Variants in TSPAN14 observed in about 807,000 individuals in gnomAD.
TSPAN14 encodes tetraspanin-14.
A neutral mutation model predicts 36.6 loss-of-function variants in TSPAN14; 16 were observed. The ratio of observed to expected loss-of-function variants is 0.44; its 90% CI spans 0.30 to 0.66. TSPAN14 has a LOEUF of 0.66. TSPAN14 is among the 30% of genes least tolerant of loss of function. The pLI is 0.12. For missense variants in TSPAN14, 231 were observed against 355.1 expected, an observed-to-expected ratio of 0.65 and a Z score of 2.81; for synonymous variants, 139 against 143.8, an observed-to-expected ratio of 0.97 and a Z score of 0.24.
intron 1 of TSPAN14, among the ~76,000 whole-genome samples, chr10:80,475,649 G>A (rs147247475): frequency 6.4e-4 from 98 of 152,160 alleles, no homozygotes; most frequent in African/African-American, 2.2e-3. Context: ...GTGCAGTGGC[G>A]CGATCTTGGC....
intron 1 of TSPAN14, among the ~76,000 whole-genome samples, chr10:80,472,547 A>T (rs1846614051): frequency 6.6e-6 from 1 of 152,236 alleles, no homozygotes; most frequent in Non-Finnish European, 1.5e-5. Flanking sequence ...CATCAAACTC[A>T]TGACTGGTTT....
intron 5 of TSPAN14, among the ~76,000 whole-genome samples, chr10:80,511,507 C>T (rs948162370): frequency 3.3e-5 from 5 of 152,020 alleles, no homozygotes; most frequent in African/African-American, 7.2e-5. Context: ...TGGAAGGAGG[C>T]GTCTCCTTTG....
chr10:80,461,640 A>T (rs1845974604), intron 1 of TSPAN14, among the ~76,000 whole-genome samples: 1 of 151,908 alleles, frequency 6.6e-6, no homozygotes, highest in South Asian at 2.1e-4. Context: ...CCTCTGGTGT[A>T]GGGTAGCCCT....
chr10:80,468,327 A>G (rs1174582387), intron 1 of TSPAN14, among the ~76,000 whole-genome samples: 2 of 152,236 alleles, frequency 1.3e-5, no homozygotes, highest in African/African-American at 4.8e-5. Flanking sequence ...TGGAAGAGGC[A>G]GGTCTCTATC....
chr10:80,457,882 T>C lies in TSPAN14; in HGVS notation c.-18+3511T>C, dbSNP rs189153711. ...GTTCACACTGCATGTTCATCACTTA[T>C]CTGCTTTATGTTGTCCTCACTGGGG... is the stretch of plus-strand genomic sequence containing the variant. On this transcript the variant is annotated intron_variant, in intron 1 of 8. Coordinates refer to ENST00000429989, the Ensembl canonical transcript of TSPAN14. 4.1e-4 allele frequency among the ~76,000 whole-genome samples: 62 copies of C among 152,340 alleles called. No homozygotes were observed. The East Asian group carries it at 5.8e-3, about 14-fold the overall frequency.
chr10:80,455,037 C>G (rs529242820), intron 1 of TSPAN14, among the ~76,000 whole-genome samples: 3 of 152,252 alleles, frequency 2.0e-5, no homozygotes, highest in East Asian at 1.9e-4. Flanking sequence ...AAGCCTGACC[C>G]CTGACCTAGC....
intron 1 of TSPAN14, among the ~76,000 whole-genome samples, chr10:80,470,366 G>A (rs925629870): frequency 2.6e-5 from 4 of 152,206 alleles, no homozygotes; most frequent in African/African-American, 7.2e-5. Flanking sequence ...GGTGTGAACC[G>A]CTGCGCCCAG....
chr10:80,485,909 A>C (rs1847568310), intron 1 of TSPAN14, among the ~76,000 whole-genome samples: 1 of 152,182 alleles, frequency 6.6e-6, no homozygotes, highest in African/African-American at 2.4e-5. Flanking sequence ...AAATGGCCAA[A>C]AATGGCATAA....
chr10:80,499,047 A>G (rs1848351344), intron 2 of TSPAN14, among the ~76,000 whole-genome samples: 1 of 152,192 alleles, frequency 6.6e-6, no homozygotes, highest in Non-Finnish European at 1.5e-5. Flanking sequence ...TTGCTGAGGA[A>G]AGGCCTCTGG....
chr10:80,464,846 A>G (rs1846156037), intron 1 of TSPAN14, among the ~76,000 whole-genome samples: 1 of 144,014 alleles, frequency 6.9e-6, no homozygotes, highest in Admixed American at 6.8e-5. Context: ...GCTGCTTCCC[A>G]TTGTAGATTT....
intron 5 of TSPAN14, among the ~76,000 whole-genome samples, chr10:80,511,748 CTCTCTCTCTCTCTCTCTCTCTCT>C (rs1564745189): frequency 5.6e-5 from 8 of 143,538 alleles, no homozygotes; most frequent in African/African-American, 1.3e-4. Context: ...CTCTCTCTCT[CTCTCTCTCTCTCTCTCTCTCTCT>C]CCCCTTTTTT....
chr10:80,516,363 T>G (rs138328578), intron 8 of TSPAN14, 40 bp downstream of exon 8: 1 of 1,612,868 alleles, frequency 6.2e-7, no homozygotes, highest in African/African-American at 1.3e-5. Flanking sequence ...GGTGGCCTTT[T>G]TTCATTTGAG....
Position 80,507,114 on chromosome 10 carries a change from G to A in TSPAN14, c.133-114G>A, listed in dbSNP as rs769201205. ...GACTCTGGCCTGGCTGTCAACAAGA[G>A]GGCTGAGCCTGGGGAAGCAAGTCCC... On this transcript the variant is annotated intron_variant, in intron 3 of 8. Coordinates refer to ENST00000429989, the Ensembl canonical transcript of TSPAN14. 3.5e-4 allele frequency: 483 copies of A among 1,389,382 alleles called. 3 individuals carry two copies. Among genetic ancestry groups the A allele is most frequent in the Non-Finnish European group, 4.6e-4 (469 of 1,012,360 alleles). The allele number at this position is 1,389,382 out of a possible 1,614,324, so 86.1% of individuals were successfully genotyped here. A position where few individuals can be genotyped will look rare whatever the true frequency, so the allele number is the denominator to read the frequency against.
intron 1 of TSPAN14, among the ~76,000 whole-genome samples, chr10:80,457,522 C>T (rs1472601572): frequency 6.6e-6 from 1 of 152,172 alleles, no homozygotes; most frequent in Non-Finnish European, 1.5e-5. Context: ...ACAATATGTT[C>T]CTCTCAGAGG....
At position 80,509,674 on chromosome 10, in the gene TSPAN14, C is replaced by T. The variant is rs1025372118; in HGVS notation, c.450+203C>T. ...TGGTTGCCTGGTGGGCCAGCCCTTTCCCATTGGGATTGGGCAGGCAAGTCC... is the reference window on the plus strand; with the variant it reads ...TGGTTGCCTGGTGGGCCAGCCCTTTTCCATTGGGATTGGGCAGGCAAGTCC... On this transcript the variant is annotated intron_variant, in intron 5 of 8. Coordinates refer to ENST00000429989, the Ensembl canonical transcript of TSPAN14. This position sits in a 1 kb window ranked among gnomAD's most constrained non-coding sequence, Gnocchi z 4.7. The T allele has an allele frequency of 5.1e-4, 303 of 597,134 alleles. 1 individual carries two copies. The highest frequency in any genetic ancestry group is 8.0e-4 in the Non-Finnish European group (278 of 348,398). 37.0% of individuals were successfully genotyped at this position (597,134 alleles called of 1,614,324 possible). A position where few individuals can be genotyped will look rare whatever the true frequency, so the allele number is the denominator to read the frequency against.
At chr10:80,505,300 G>T (rs1840225306) in intron 3 of TSPAN14, among the ~76,000 whole-genome samples, 1 of 152,170 alleles carries the variant, frequency 6.6e-6, no homozygotes, top group Admixed American at 6.5e-5. Flanking sequence ...CTACTGTCGG[G>T]AAGGACATGG....
rs1371050172 is a variant in TSPAN14, at chr10:80,508,114, CTTTTCTTTT to C, written c.279+745_279+753del. 3.5e-5 allele frequency among the ~76,000 whole-genome samples: 5 copies of C among 144,794 alleles called. No homozygotes were observed. In the East Asian group the frequency reaches 1.0e-3, roughly 29 times the overall value. 95.0% of individuals were successfully genotyped at this position (144,794 alleles called of 152,430 possible). Reference sequence around the variant, plus strand: ...CATATGTGTGTTTCCTTTTTCTTTTCTTTTCTTTTTTTTTTTTTTGATACCGAGTCTCGC... The same window carrying C: ...CATATGTGTGTTTCCTTTTTCTTTTCTTTTTTTTTTGATACCGAGTCTCGC... On this transcript the variant is annotated intron_variant, in intron 4 of 8. Coordinates refer to ENST00000429989, the Ensembl canonical transcript of TSPAN14.
intron 1 of TSPAN14, among the ~76,000 whole-genome samples, chr10:80,475,433 G>T (rs1217243004): frequency 6.6e-6 from 1 of 152,102 alleles, no homozygotes; most frequent in South Asian, 2.1e-4. Flanking sequence ...TCGTGTGGTG[G>T]TACACACCTG....
exon 9 of TSPAN14, chr10:80,520,815 C>T (rs771206883): frequency 5.6e-6 from 3 of 533,372 alleles, no homozygotes; most frequent in Non-Finnish European, 1.2e-5. Context: ...TGGCCTTCTT[C>T]AGCCTCTGTA....
Sources: allele counts gnomAD v4.1 joint callset (sites outside exome capture counted in the v4.1 genomes callset), GRCh38; gene constraint gnomAD v4.1.1; non-coding constraint Gnocchi (gnomAD v3.1); transcripts MANE v1.5; gene names NCBI Gene and HGNC (gene_info 2026-07-23, HGNC 2026-07-21).